Variants in FNDC3A observed in about 807,000 individuals in gnomAD.
FNDC3A encodes fibronectin type III domain containing 3A.
A neutral mutation model predicts 148.9 loss-of-function variants in FNDC3A; 32 were observed. That is an observed-to-expected ratio of 0.21 (90% CI 0.16 to 0.29). FNDC3A has a LOEUF of 0.29. Ranked by LOEUF, FNDC3A falls within the 10% of genes least tolerant of loss-of-function variation. The probability of loss-of-function intolerance (pLI) is 1.00; values close to 1 mark genes in which losing one functional copy is unlikely to be tolerated. For missense variants in FNDC3A, 1,191 were observed against 1,452.8 expected (o/e 0.82, Z 2.93); for synonymous variants, 472 against 473.6 (o/e 1.00, Z 0.04).
intron 16 of FNDC3A, among the ~76,000 whole-genome samples, chr13:49,188,139 GA>G (rs560956098): frequency 5.3e-5 from 8 of 151,610 alleles, no homozygotes; most frequent in African/African-American, 2.4e-5. Context: ...CTGCCAAAAA[GA>G]AAAAAAAGAT....
At chr13:49,077,736 G>A (rs180755680) in intron 3 of FNDC3A, among the ~76,000 whole-genome samples, 76 of 152,278 alleles carry the variant, frequency 5.0e-4, no homozygotes, top group African/African-American at 1.8e-3. Flanking sequence ...CATGGCACAT[G>A]TATACCGATG....
intron 3 of FNDC3A, among the ~76,000 whole-genome samples, chr13:49,108,701 T>TA (rs1428102055): frequency 6.6e-6 from 1 of 152,198 alleles, no homozygotes; most frequent in Non-Finnish European, 1.5e-5. Flanking sequence ...AGAGGCTTGC[T>TA]TTTTGTTTAG....
At chr13:49,059,281 G>A (rs1294668968) in intron 2 of FNDC3A, among the ~76,000 whole-genome samples, 1 of 152,098 alleles carries the variant, frequency 6.6e-6, no homozygotes, top group Non-Finnish European at 1.5e-5. Flanking sequence ...GACAACATAG[G>A]GGTAAATCTT....
intron 3 of FNDC3A, among the ~76,000 whole-genome samples, chr13:49,101,180 T>A (rs1879835794): frequency 6.6e-6 from 1 of 152,170 alleles, no homozygotes; most frequent in South Asian, 2.1e-4. Context: ...TTAGACTATT[T>A]GCTTATTTCA....
At chr13:49,167,190 T>C (rs1446804166) in intron 8 of FNDC3A, 54 bp from the exon 9 acceptor site, 1 of 1,072,536 alleles carries the variant, frequency 9.3e-7, no homozygotes, top group African/African-American at 1.6e-5. Context: ...ATAATGTACA[T>C]TGGTTGAAAA....
At chr13:49,084,608 G>A (rs1878685027) in intron 3 of FNDC3A, among the ~76,000 whole-genome samples, 1 of 152,092 alleles carries the variant, frequency 6.6e-6, no homozygotes, top group African/African-American at 2.4e-5. Context: ...AAAGTATCAA[G>A]GTGAATTCAA....
Position 49,191,030 on chromosome 13 carries a change from C to T in FNDC3A, c.1960C>T (p.Leu654Phe). The T allele has an allele frequency of 6.2e-7, 1 of 1,610,798 alleles. No homozygotes were observed. The highest frequency in any genetic ancestry group is 8.5e-7 in the Non-Finnish European group (1 of 1,178,888). ...GGQSAVSESL[L>F]VQTPAVPPGP... ...GTTTTGGCAGGTCTCTGAATCTTTA[C>T]TTGTGCAGACTCCAGCTGTGCCTCC... The change falls in exon 18 of 26, where the codon CTT (leucine) becomes TTT (phenylalanine). Residue 654 changes from leucine (L) to phenylalanine (F), a missense_variant. Transcript: ENST00000492622.
At chr13:49,187,379 C>T (rs968223057) in intron 16 of FNDC3A, 189 bp downstream of exon 16, 1 of 845,112 alleles carries the variant, frequency 1.2e-6, no homozygotes, top group East Asian at 2.6e-5. Context: ...TATTGACAAA[C>T]ATATCTAGTA....
chr13:48,994,741 C>G (rs1951991873), intron 1 of FNDC3A, among the ~76,000 whole-genome samples: 1 of 151,546 alleles, frequency 6.6e-6, no homozygotes, highest in Non-Finnish European at 1.5e-5. Context: ...TGTGCCACTG[C>G]TCTCCAGCCT....
intron 2 of FNDC3A, among the ~76,000 whole-genome samples, chr13:49,059,576 C>T (rs1876506957): frequency 6.6e-6 from 1 of 152,302 alleles, no homozygotes; most frequent in Non-Finnish European, 1.5e-5. Flanking sequence ...CTGCCTCAGC[C>T]TCCCAAGTGG....
chr13:49,198,270 A>G lies in FNDC3A; in HGVS notation c.2774+5A>G. ...GCAACCAGATACAACATACAGGTAT[A>G]CTCTAAAAATTATGTTGATTTTTGC... On this transcript the variant is annotated splice_donor_5th_base_variant and intron_variant, in intron 22 of 25. Transcript: ENST00000492622. 6.2e-7 allele frequency: 1 copy of G among 1,611,732 alleles called. No individual in the cohort carries two copies. Among genetic ancestry groups the G allele is most frequent in the East Asian group, 2.2e-5 (1 of 44,872 alleles).
intron 2 of FNDC3A, among the ~76,000 whole-genome samples, chr13:49,056,296 G>T (rs1439769086): frequency 6.6e-6 from 1 of 152,112 alleles, no homozygotes; most frequent in Non-Finnish European, 1.5e-5. Context: ...GGGATTATGG[G>T]CATCAGCCAC....
chr13:49,054,760 C>T (rs1273054549), intron 2 of FNDC3A, among the ~76,000 whole-genome samples: 4 of 152,262 alleles, frequency 2.6e-5, no homozygotes, highest in Non-Finnish European at 5.9e-5. Flanking sequence ...AGCCCTGCTT[C>T]AGGTGGAAGG....
At position 49,191,365 on chromosome 13, in the gene FNDC3A, G is replaced by T; in HGVS notation, c.2207G>T (p.Arg736Leu). Reference sequence around the variant, plus strand: ...GGAAAGACATACAGCTTCAGACTACGTGCAGCTAACAAAATGGGGGTAAGA... The same window carrying T: ...GGAAAGACATACAGCTTCAGACTACTTGCAGCTAACAAAATGGGGGTAAGA... The part of the protein sequence containing the change: ...LPGKTYSFRL[R>L]AANKMGFGPF... Residue 736 changes from arginine to leucine, a missense_variant, in exon 19 of 26, where the codon CGT (arginine) becomes CTT (leucine). This residue lies in a region of FNDC3A where 751 missense variants were observed against 944.0 expected (regional missense o/e 0.80). Transcript: ENST00000492622. The T allele has an allele frequency of 6.3e-7, 1 of 1,595,348 alleles. No individual in the cohort carries two copies. Among genetic ancestry groups the T allele is most frequent in the Non-Finnish European group, 8.5e-7 (1 of 1,174,534 alleles).
chr13:49,197,064 CT>C (rs1886191082), intron 20 of FNDC3A, 74 bp downstream of exon 20: 4 of 894,012 alleles, frequency 4.5e-6, no homozygotes, highest in Non-Finnish European at 6.9e-6. Context: ...AATAAAGATA[CT>C]GTTCATTTTT....
chr13:49,095,649 C>T (rs1342374346), intron 3 of FNDC3A, among the ~76,000 whole-genome samples: 1 of 151,994 alleles, frequency 6.6e-6, no homozygotes, highest in Non-Finnish European at 1.5e-5. Flanking sequence ...GAAGGATATC[C>T]TGGTGAGAAG....
chr13:49,072,343 G>T (rs1025172948), intron 2 of FNDC3A, among the ~76,000 whole-genome samples: 1 of 151,886 alleles, frequency 6.6e-6, no homozygotes, highest in Non-Finnish European at 1.5e-5. Context: ...TCATGTCAAG[G>T]CTAGGTGAAA....
rs370319933 is a variant in FNDC3A, at chr13:49,035,988, G to A, written c.99+29699G>A. Among the ~76,000 whole-genome samples the A allele has an allele frequency of 3.0e-4, 45 of 152,166 alleles. No homozygotes were observed. The South Asian group carries it at 8.9e-3, about 30-fold the overall frequency. ...TGTTATATCAGCCTGTCAGTCTACA[G>A]ATTGACAAGATCTAGCCAAGTATAG... On this transcript the variant is annotated intron_variant, in intron 2 of 25. Transcript: ENST00000492622.
intron 7 of FNDC3A, among the ~76,000 whole-genome samples, chr13:49,139,073 A>G (rs928119266): frequency 6.6e-6 from 1 of 152,128 alleles, no homozygotes; most frequent in Non-Finnish European, 1.5e-5. Flanking sequence ...AAACAAATGC[A>G]CAAACAGAAT....
Sources: allele counts gnomAD v4.1 joint callset (sites outside exome capture counted in the v4.1 genomes callset), GRCh38; gene constraint gnomAD v4.1.1; regional missense constraint gnomAD v4.1.1; transcripts MANE v1.5; gene names NCBI Gene and HGNC (gene_info 2026-07-23, HGNC 2026-07-21).